BMPER: variants seen among roughly 807,000 people sequenced by gnomAD.
The protein encoded by BMPER is BMP-binding endothelial regulator protein.
A neutral mutation model predicts 87.3 loss-of-function variants in BMPER; 45 were observed. The observed-to-expected ratio is 0.52, with a 90% CI of 0.41 to 0.66. The LOEUF is 0.66. Among genes scored for constraint, BMPER ranks in the 30% least tolerant of loss-of-function variants. The probability of loss-of-function intolerance (pLI) is 0.00; values close to 1 mark genes in which losing one functional copy is unlikely to be tolerated. For synonymous variants in BMPER, 326 were observed against 316.2 expected (o/e 1.03, Z -0.33); for missense variants, 784 against 867.5 (o/e 0.90, Z 1.21).
At chr7:34,070,500 T>A (rs1363529027) in intron 11 of BMPER, among the ~76,000 whole-genome samples, 1 of 152,164 alleles carries the variant, frequency 6.6e-6, no homozygotes, top group Non-Finnish European at 1.5e-5. Flanking sequence ...GCATGTAATC[T>A]CCATCTCTCT....
chr7:34,014,007 T>C (rs1461069549), intron 6 of BMPER, among the ~76,000 whole-genome samples: 1 of 150,760 alleles, frequency 6.6e-6, no homozygotes, highest in Non-Finnish European at 1.5e-5. Flanking sequence ...GTGGGATTCT[T>C]TCATTGCCTC....
At chr7:34,046,197 A>G in intron 6 of BMPER, 109 bp from the exon 7 acceptor site, 1 of 1,016,456 alleles carries the variant, frequency 9.8e-7, no homozygotes, top group Non-Finnish European at 1.5e-6. Context: ...CAGTCAGTCT[A>G]GGGACCTAAT....
At chr7:34,140,886 C>G (rs1042771231) in intron 13 of BMPER, among the ~76,000 whole-genome samples, 1 of 152,164 alleles carries the variant, frequency 6.6e-6, no homozygotes, top group African/African-American at 2.4e-5. Flanking sequence ...TATGTGCCAT[C>G]ATTTTACCAG....
Position 34,143,300 on chromosome 7 carries a change from A to G in BMPER, c.1816A>G (p.Thr606Ala), listed in dbSNP as rs993687948. 1 of 1,614,050 alleles carries G rather than the reference A, an allele frequency of 6.2e-7. No homozygotes were observed. The highest frequency in any genetic ancestry group is 8.5e-7 in the Non-Finnish European group (1 of 1,179,970). Residue 606 changes from threonine (T) to alanine (A), a missense_variant, in exon 14 of 15, where the codon ACC becomes GCC. Coordinates refer to ENST00000649409, the MANE Select transcript of BMPER (RefSeq NM_001365308.1). ...TTATTGCGAGTCATTTTTGGCATAT[A>G]CCCGGGCCTGCCAGAGAGAGGGCAT... ...NCYCESFLAY[T>A]RACQREGIKV...
intron 3 of BMPER, among the ~76,000 whole-genome samples, chr7:33,962,408 T>C (rs56759297): frequency 0.02 from 3,057 of 152,278 alleles, 90 homozygotes; most frequent in African/African-American, 0.069. Context: ...AAGAACCATA[T>C]TGAGCTTTGT....
At chr7:34,129,619 AG>A (rs1790511871) in intron 13 of BMPER, among the ~76,000 whole-genome samples, 2 of 135,910 alleles carry the variant, frequency 1.5e-5, no homozygotes, top group East Asian at 2.2e-4. Flanking sequence ...AAAGAGAGAG[AG>A]AGAGAAAGAG....
At chr7:33,970,898 A>G (rs955824318) in intron 5 of BMPER, among the ~76,000 whole-genome samples, 1 of 152,098 alleles carries the variant, frequency 6.6e-6, no homozygotes, top group African/African-American at 2.4e-5. Flanking sequence ...TGTCTTTTTT[A>G]GAGGGCCCTG....
intron 2 of BMPER, among the ~76,000 whole-genome samples, chr7:33,932,658 G>A (rs190402724): frequency 6.6e-6 from 1 of 152,062 alleles, no homozygotes; most frequent in African/African-American, 2.4e-5. Flanking sequence ...GGATCCGCCC[G>A]CAGACATTTC....
At chr7:34,148,054 T>C (rs1416822642) in intron 14 of BMPER, among the ~76,000 whole-genome samples, 1 of 152,152 alleles carries the variant, frequency 6.6e-6, no homozygotes, top group Non-Finnish European at 1.5e-5. Context: ...TCTCTGATCC[T>C]GGCTTACTTC....
At chr7:34,097,758 C>A (rs1789567159) in intron 13 of BMPER, among the ~76,000 whole-genome samples, 3 of 152,056 alleles carry the variant, frequency 2.0e-5, no homozygotes, top group African/African-American at 7.2e-5. Context: ...CTTTGGGTCA[C>A]CAAGAGGACT....
Position 33,968,286 on chromosome 7 carries a change from G to A in BMPER, c.402+1725G>A, listed in dbSNP as rs1040408808. Among the ~76,000 whole-genome samples, 5 of 152,174 alleles carry A rather than the reference G, an allele frequency of 3.3e-5. No individual in the cohort carries two copies. In the East Asian group the frequency reaches 7.7e-4, roughly 23 times the overall value. On this transcript the variant is annotated intron_variant, in intron 4 of 14. Transcript: ENST00000649409. The stretch of plus-strand genomic sequence containing the variant: ...TATTCAATACGCAGAAAAGCAACCT[G>A]CGGTGAAGGGACCTACCAAAGGCTG...
intron 6 of BMPER, among the ~76,000 whole-genome samples, chr7:34,010,382 A>G (rs906779412): frequency 6.6e-6 from 1 of 152,012 alleles, no homozygotes; most frequent in Non-Finnish European, 1.5e-5. Context: ...TAATTTAGTT[A>G]TACATACATA....
chr7:34,083,497 C>A (rs930560093), intron 12 of BMPER, among the ~76,000 whole-genome samples: 1 of 152,170 alleles, frequency 6.6e-6, no homozygotes, highest in Admixed American at 6.5e-5. Flanking sequence ...TCTATTTCTT[C>A]CATTGACCAT....
At chr7:33,986,896 G>A (rs1031829774) in intron 6 of BMPER, among the ~76,000 whole-genome samples, 3 of 151,998 alleles carry the variant, frequency 2.0e-5, no homozygotes, top group Admixed American at 6.6e-5. Context: ...TGGTACCTCT[G>A]GGCCTGCGGC....
chr7:34,095,314 T>C (rs2127980667), intron 13 of BMPER, among the ~76,000 whole-genome samples: 1 of 152,332 alleles, frequency 6.6e-6, no homozygotes, highest in Admixed American at 6.5e-5. Context: ...ATTTTAACTT[T>C]TTTCATGCTC....
At chr7:34,058,368 C>T (rs1369600864) in intron 10 of BMPER, among the ~76,000 whole-genome samples, 1 of 152,222 alleles carries the variant, frequency 6.6e-6, no homozygotes, top group Non-Finnish European at 1.5e-5. Flanking sequence ...TTGCTCTTGT[C>T]CCAATTCTGA....
At chr7:34,032,349 A>G (rs1041374486) in intron 6 of BMPER, among the ~76,000 whole-genome samples, 2 of 152,034 alleles carry the variant, frequency 1.3e-5, no homozygotes, top group East Asian at 1.9e-4. Flanking sequence ...TTCTCGTGTC[A>G]TCAGGAAGTA....
intron 3 of BMPER, among the ~76,000 whole-genome samples, chr7:33,946,203 A>T (rs1478527909): frequency 6.6e-6 from 1 of 152,206 alleles, no homozygotes; most frequent in African/African-American, 2.4e-5. Context: ...AGATCTCGTG[A>T]GAACTCACTA....
chr7:33,978,068 A>G (rs1404655311), intron 6 of BMPER, among the ~76,000 whole-genome samples: 1 of 152,198 alleles, frequency 6.6e-6, no homozygotes, highest in Non-Finnish European at 1.5e-5. Context: ...TTGTGGTGGT[A>G]TTAAGAGGTG....
Sources: gnomAD v4.1 joint callset for allele counts (sites outside exome capture counted in the v4.1 genomes callset) on GRCh38, gnomAD v4.1.1 for gene constraint, MANE v1.5 for transcripts, NCBI Gene and HGNC (gene_info 2026-07-23, HGNC 2026-07-21) for gene names.